The following SGSM1 variants were observed in gnomAD, a reference collection of about 807,000 sequenced individuals.
The protein encoded by SGSM1 is small G protein signaling modulator 1.
Under a neutral mutation model 133.8 loss-of-function variants are expected in SGSM1, and 73 were observed. That is an observed-to-expected ratio of 0.55 (90% CI 0.45 to 0.66). SGSM1 has a LOEUF of 0.66. SGSM1 is among the 30% of genes least tolerant of loss of function. The probability of loss-of-function intolerance (pLI) is 0.00; values close to 1 mark genes in which losing one functional copy is unlikely to be tolerated. For synonymous variants in SGSM1, 563 were observed against 573.0 expected (o/e 0.98, Z 0.25); for missense variants, 1,213 against 1,448.1 (o/e 0.84, Z 2.64).
intron 24 of SGSM1, among the ~76,000 whole-genome samples, chr22:24,921,266 A>G (rs6004358): frequency 0.024 from 3,624 of 152,044 alleles, 159 homozygotes; most frequent in African/African-American, 0.083. Flanking sequence ...CGCCCGGCTA[A>G]TTTTTATATT....
chr22:24,828,076 AG>A (rs993203437), intron 2 of SGSM1, among the ~76,000 whole-genome samples: 2 of 152,010 alleles, frequency 1.3e-5, no homozygotes, highest in Non-Finnish European at 2.9e-5. Context: ...CAGGCAACCC[AG>A]GTCTCCTAAC....
At chr22:24,823,293 T>TGTA (rs1928588994) in intron 2 of SGSM1, among the ~76,000 whole-genome samples, 1 of 110,688 alleles carries the variant, frequency 9.0e-6, no homozygotes, top group African/African-American at 3.5e-5. Flanking sequence ...GCACTGAGCA[T>TGTA]GCAGCAAATG....
At chr22:24,830,514 T>C (rs1929055921) in intron 2 of SGSM1, among the ~76,000 whole-genome samples, 1 of 152,008 alleles carries the variant, frequency 6.6e-6, no homozygotes, top group African/African-American at 2.4e-5. Context: ...AATAGATGGC[T>C]CCCCCAAACC....
At chr22:24,858,195 A>T (rs1440635613) in intron 8 of SGSM1, among the ~76,000 whole-genome samples, 5 of 152,032 alleles carry the variant, frequency 3.3e-5, no homozygotes, top group African/African-American at 1.2e-4. Flanking sequence ...GCCCAGGCTG[A>T]TCTAAAACTC....
At chr22:24,898,709 A>T (rs1933005310) in intron 19 of SGSM1, 150 bp downstream of exon 19, 1 of 760,458 alleles carries the variant, frequency 1.3e-6, no homozygotes. Flanking sequence ...GTAGAAACCC[A>T]TTTGGGAGAG....
chr22:24,829,201 A>G (rs1042470309), intron 2 of SGSM1, among the ~76,000 whole-genome samples: 6 of 78,638 alleles, frequency 7.6e-5, no homozygotes, highest in African/African-American at 4.6e-4. Flanking sequence ...ATCTCAAAAG[A>G]AAAAAAAAAA....
chr22:24,835,227 G>A (rs1253470372), intron 2 of SGSM1, among the ~76,000 whole-genome samples: 8 of 152,304 alleles, frequency 5.3e-5, no homozygotes, highest in African/African-American at 1.7e-4. Flanking sequence ...GGCAGCGGGG[G>A]TGTCTCTGTC....
chr22:24,922,082 C>T (rs191661814), intron 24 of SGSM1, among the ~76,000 whole-genome samples: 31 of 152,186 alleles, frequency 2.0e-4, no homozygotes, highest in Non-Finnish European at 3.8e-4. Context: ...TGTATGCACC[C>T]ATTGGGCTTT....
intron 2 of SGSM1, among the ~76,000 whole-genome samples, chr22:24,816,951 G>A (rs1287449348): frequency 6.6e-6 from 1 of 152,134 alleles, no homozygotes; most frequent in East Asian, 1.9e-4. Context: ...GACCACTGTG[G>A]GTCACTTGCT....
intron 2 of SGSM1, among the ~76,000 whole-genome samples, chr22:24,818,246 T>A (rs983802906): frequency 3.5e-4 from 53 of 150,282 alleles, no homozygotes; most frequent in African/African-American, 1.1e-3. Context: ...AAAAAAAAAA[T>A]AAAATAAAAT....
At chr22:24,830,635 G>A (rs1929061559) in intron 2 of SGSM1, among the ~76,000 whole-genome samples, 1 of 152,232 alleles carries the variant, frequency 6.6e-6, no homozygotes, top group Non-Finnish European at 1.5e-5. Flanking sequence ...TTAACATTGG[G>A]AACCAGGAAC....
chr22:24,857,646 C>T (rs542997257), intron 8 of SGSM1, among the ~76,000 whole-genome samples: 1 of 152,300 alleles, frequency 6.6e-6, no homozygotes, highest in South Asian at 2.1e-4. Context: ...GTTCAGAGTT[C>T]CATCTTCCGT....
At position 24,924,689 on chromosome 22, in the gene SGSM1, C is replaced by G; in HGVS notation, c.*415C>G. 1 of 199,084 alleles carries G rather than the reference C, an allele frequency of 5.0e-6. No homozygotes were observed. The highest frequency in any genetic ancestry group is 5.4e-5 in the Admixed American group (1 of 18,640). The allele number at this position is 199,084 out of a possible 1,614,324, so 12.3% of individuals were successfully genotyped here. ...GTGTAGAAGAGGTGTGTGGGGCTAC[C>G]TCTATGCTCCTCTGCAAGGGGCCTT... is the stretch of plus-strand genomic sequence containing the variant. On this transcript the variant is annotated 3_prime_UTR_variant, in exon 25 of 25. Coordinates refer to ENST00000400358, the MANE Select transcript of SGSM1 (RefSeq NM_001098497.3).
intron 16 of SGSM1, among the ~76,000 whole-genome samples, chr22:24,892,491 T>A (rs957410274): frequency 3.3e-5 from 5 of 152,148 alleles, no homozygotes; most frequent in African/African-American, 9.7e-5. Flanking sequence ...GTAAGGCCAT[T>A]GCTGTAAGGA....
intron 14 of SGSM1, among the ~76,000 whole-genome samples, chr22:24,883,541 A>G (rs1173657115): frequency 6.6e-6 from 1 of 152,218 alleles, no homozygotes; most frequent in East Asian, 1.9e-4. Context: ...GAGAAAGGTG[A>G]TAAGACTTCC....
chr22:24,850,021 A>G (rs892860881), intron 4 of SGSM1, among the ~76,000 whole-genome samples: 2 of 152,170 alleles, frequency 1.3e-5, no homozygotes, highest in African/African-American at 2.4e-5. Context: ...CCTCCTTTCC[A>G]GGAGAGAGAG....
At chr22:24,841,725 C>G (rs1929817849) in intron 2 of SGSM1, among the ~76,000 whole-genome samples, 1 of 152,162 alleles carries the variant, frequency 6.6e-6, no homozygotes, top group Non-Finnish European at 1.5e-5. Context: ...GTACAACCAA[C>G]ATATTTGACT....
chr22:24,847,832 T>A, intron 4 of SGSM1, 36 bp downstream of exon 4: 1 of 1,604,192 alleles, frequency 6.2e-7, no homozygotes, highest in South Asian at 1.1e-5. Flanking sequence ...TGGGAGCAGC[T>A]CCCCCAATAG....
rs1933870582 is a variant in SGSM1 at position 24,917,771 on chromosome 22, G to C, written c.3025+17G>C. 3 of 1,602,974 alleles carry C rather than the reference G, an allele frequency of 1.9e-6. No individual in the cohort carries two copies. Among genetic ancestry groups the C allele is most frequent in the African/African-American group, 2.7e-5 (2 of 74,710 alleles). ...TCAAGCGAGGTACAGACTTTAAATTGGGGACCTGTGTCCAGACTCTTTGTA... is the reference window on the plus strand; with the variant it reads ...TCAAGCGAGGTACAGACTTTAAATTCGGGACCTGTGTCCAGACTCTTTGTA... On this transcript the variant is annotated intron_variant, in intron 23 of 24. Coordinates refer to ENST00000400358, the MANE Select transcript of SGSM1 (RefSeq NM_001098497.3).
Sources: allele counts gnomAD v4.1 joint callset (sites outside exome capture counted in the v4.1 genomes callset), GRCh38; gene constraint gnomAD v4.1.1; transcripts MANE v1.5; gene names NCBI Gene and HGNC (gene_info 2026-07-23, HGNC 2026-07-21).